Variants in ZNF615 observed in about 807,000 individuals in gnomAD.
The protein encoded by ZNF615 is zinc finger protein 615.
A neutral mutation model predicts 15.3 loss-of-function variants in ZNF615; 15 were observed. The ratio of observed to expected loss-of-function variants is 0.98; its 90% CI spans 0.66 to 1.51. ZNF615 has a LOEUF of 1.51. ZNF615 is among the 40% of genes most tolerant of loss of function. The pLI, the probability that ZNF615 is intolerant of heterozygous loss-of-function variation, is 0.00. For missense variants in ZNF615, 848 were observed against 895.9 expected (o/e 0.95, Z 0.68); for synonymous variants, 268 against 294.6 (o/e 0.91, Z 0.92).
intron 5 of ZNF615, among the ~76,000 whole-genome samples, chr19:52,000,992 C>T (rs964240356): frequency 7.3e-5 from 11 of 151,716 alleles, no homozygotes; most frequent in African/African-American, 2.2e-4. Flanking sequence ...TTAAGAAACA[C>T]ATAAATGCCA....
intron 5 of ZNF615, among the ~76,000 whole-genome samples, chr19:52,000,833 G>C (rs1016746529): frequency 9.2e-5 from 14 of 151,944 alleles, no homozygotes; most frequent in Admixed American, 5.9e-4. Flanking sequence ...TGTGCCTGTA[G>C]TCCCAGCCAC....
At chr19:52,002,020 G>A (rs2086611626) in intron 4 of ZNF615, 112 bp from the exon 5 acceptor site, 2 of 1,605,376 alleles carry the variant, frequency 1.2e-6, no homozygotes, top group Admixed American at 1.7e-5. Flanking sequence ...TAACAAGAAG[G>A]TAGATTATAC....
Position 52,003,873 on chromosome 19 carries a change from G to T in ZNF615, c.-162C>A. 6.9e-7 allele frequency: 1 copy of T among 1,449,730 alleles called. No homozygotes were observed. The highest frequency in any genetic ancestry group is 1.6e-5 in the South Asian group (1 of 62,994). The allele number at this position is 1,449,730 out of a possible 1,614,324, so 89.8% of individuals were successfully genotyped here. On this transcript the variant is annotated 5_prime_UTR_variant, in exon 3 of 7. Coordinates refer to ENST00000598071, the MANE Select transcript of ZNF615 (RefSeq NM_001199324.2). Reference sequence around the variant, plus strand: ...GAAACTCCGCCTCCTTCCTTCACTTGATTTCTCTTGTTCTCAGCACCTGTG... The same window carrying T: ...GAAACTCCGCCTCCTTCCTTCACTTTATTTCTCTTGTTCTCAGCACCTGTG...
rs781201122 is a variant in ZNF615 at position 51,993,481 on chromosome 19, C to T, written c.1628G>A (p.Arg543Gln). 5.7e-5 allele frequency: 92 copies of T among 1,613,764 alleles called. No homozygotes were observed. Among genetic ancestry groups the T allele is most frequent in the East Asian group, 6.7e-5 (3 of 44,866 alleles). ...PAKIRLMGHQ[R>Q]THTGEKPYIC... ...ATAAGGTTTCTCTCCTGTATGAGTT[C>T]GTTGATGTCCCATTAGCCGGATCTT... Residue 543 changes from arginine (R) to glutamine (Q), a missense_variant, in exon 7 of 7, where the codon CGA (arginine) becomes CAA (glutamine). Coordinates refer to ENST00000598071, the MANE Select transcript of ZNF615 (RefSeq NM_001199324.2).
At chr19:51,996,399 A>C (rs557842273) in intron 6 of ZNF615, among the ~76,000 whole-genome samples, 26 of 150,336 alleles carry the variant, frequency 1.7e-4, no homozygotes, top group Non-Finnish European at 3.3e-4. Context: ...AAAAAAAAAA[A>C]AAAAAAAAAC....
chr19:52,001,753 GCT>G, intron 5 of ZNF615, 58 bp downstream of exon 5: 1 of 1,435,364 alleles, frequency 7.0e-7, no homozygotes. Context: ...TTTGACGCCT[GCT>G]CTGTGTGGGC....
At chr19:52,001,782 G>A in intron 5 of ZNF615, 31 bp downstream of exon 5, 3 of 1,588,632 alleles carry the variant, frequency 1.9e-6, no homozygotes, top group Non-Finnish European at 2.6e-6. Flanking sequence ...TGGTGTCTGT[G>A]GCTGTCCACC....
chr19:52,001,949 G>A (rs780471933), intron 4 of ZNF615, 41 bp from the exon 5 acceptor site: 23 of 1,608,368 alleles, frequency 1.4e-5, no homozygotes, highest in East Asian at 6.7e-5. Context: ...CAAATCAAAC[G>A]GGGCTGGCAA....
Position 51,994,714 on chromosome 19 carries a change from A to C in ZNF615, c.395T>G (p.Phe132Cys), listed in dbSNP as rs1329757390. The change falls in exon 7 of 7, where the codon TTC becomes TGC. Residue 132 changes from phenylalanine (F) to cysteine (C), a missense_variant. Phe to Cys is a radical substitution (Grantham distance 205). Transcript: ENST00000598071. ...CGTATCACAATCTTGCTTCAGCAGGAAATGACCTTTGTTCTGATTAACAAT... is the reference window on the plus strand; with the variant it reads ...CGTATCACAATCTTGCTTCAGCAGGCAATGACCTTTGTTCTGATTAACAAT... Reference protein sequence around the residue: ...GNIVNQNKGHFLLKQDCDTFD... With the variant: ...GNIVNQNKGHCLLKQDCDTFD... 1 of 1,613,826 alleles carries C rather than the reference A, an allele frequency of 6.2e-7. No individual in the cohort carries two copies. Among genetic ancestry groups the C allele is most frequent in the South Asian group, 1.1e-5 (1 of 91,074 alleles).
intron 2 of ZNF615, among the ~76,000 whole-genome samples, chr19:52,005,203 G>GCC (rs2086717041): frequency 6.6e-6 from 1 of 152,196 alleles, no homozygotes; most frequent in South Asian, 2.1e-4. Flanking sequence ...AGGGTGCAGT[G>GCC]AGCCAAGATT....
chr19:52,002,460 C>T, intron 3 of ZNF615, 179 bp from the exon 4 acceptor site: 4 of 868,136 alleles, frequency 4.6e-6, no homozygotes, highest in Non-Finnish European at 5.6e-6. Context: ...GTCATCCATT[C>T]ATTCAACAAT....
chr19:51,992,850 T>G lies in ZNF615; in HGVS notation c.*30A>C. The G allele has an allele frequency of 2.5e-6, 4 of 1,608,622 alleles. No individual in the cohort carries two copies. The highest frequency in any genetic ancestry group is 3.4e-6 in the Non-Finnish European group (4 of 1,176,072). ...CTTCTTTGCAGATATCTTAAGGGCC[T>G]ACATCTGGCAAGAGGCTTTCCCAAA... On this transcript the variant is annotated 3_prime_UTR_variant, in exon 7 of 7. Transcript: ENST00000598071.
chr19:51,994,471 T>C lies in ZNF615; in HGVS notation c.638A>G (p.Asn213Ser). The change falls in exon 7 of 7, where the codon AAT becomes AGT. Residue 213 changes from asparagine (N) to serine (S), a missense_variant. Transcript: ENST00000598071. ...IKQQRTHNIE[N>S]AHVCSECGKA... is the part of the protein sequence containing the mutation. ...CCCACATTCACTGCATACATGGGCATTCTCTATGTTGTGAGTTCTCTGTTG... is the reference window on the plus strand; with the variant it reads ...CCCACATTCACTGCATACATGGGCACTCTCTATGTTGTGAGTTCTCTGTTG... The C allele has an allele frequency of 6.2e-7, 1 of 1,614,202 alleles. No homozygotes were observed. Among genetic ancestry groups the C allele is most frequent in the Non-Finnish European group, 8.5e-7 (1 of 1,180,022 alleles).
Position 52,008,193 on chromosome 19 carries a change from A to C in ZNF615, c.-280T>G. On this transcript the variant is annotated 5_prime_UTR_variant, in exon 1 of 7. Coordinates refer to ENST00000598071, the MANE Select transcript of ZNF615 (RefSeq NM_001199324.2). ...CATCTCTCGGCCTCCTCAGTGCCTG[A>C]CGGCGACTATCCAGGGTCGGAGGCG... 1 of 1,534,690 alleles carries C rather than the reference A, an allele frequency of 6.5e-7. No homozygotes were observed. The highest frequency in any genetic ancestry group is 8.7e-7 in the Non-Finnish European group (1 of 1,146,328).
Position 51,993,262 on chromosome 19 carries a change from A to G in ZNF615, c.1847T>C (p.Phe616Ser), listed in dbSNP as rs2086293224. 2 of 1,614,010 alleles carry G rather than the reference A, an allele frequency of 1.2e-6. No individual in the cohort carries two copies. The highest frequency in any genetic ancestry group is 1.7e-6 in the Non-Finnish European group (2 of 1,180,016). ...TATACTGAGAGTACTCTTCATGGTG[A>G]AGCCCTTTCCACATTCATTGCATAT... ...PYICNECGKGFTMKSTLSIHQ... is the reference protein window; with the variant it reads ...PYICNECGKGSTMKSTLSIHQ... Residue 616 changes from phenylalanine (F) to serine (S), a missense_variant, in exon 7 of 7, where the codon TTC becomes TCC. By Grantham distance (155) the Phe-to-Ser change is radical. Coordinates refer to ENST00000598071, the MANE Select transcript of ZNF615 (RefSeq NM_001199324.2).
chr19:52,001,864 C>A lies in ZNF615; in HGVS notation c.187G>T (p.Gly63Ter). The change falls in exon 5 of 7, where the codon GGA (glycine) becomes TGA (stop). Residue 63 changes from glycine to a stop codon, truncating the protein, a stop_gained. Coordinates refer to ENST00000598071, the MANE Select transcript of ZNF615 (RefSeq NM_001199324.2). LOFTEE classifies it high-confidence loss of function. ...TCTTCTGTTGTGCAAGTTTCTTCTCCTCGTTCCAATTTGGAGAGTGCATCT... is the reference window on the plus strand; with the variant it reads ...TCTTCTGTTGTGCAAGTTTCTTCTCATCGTTCCAATTTGGAGAGTGCATCT... ...KPDALSKLERGEETCTTEDEI... is the reference protein window; with the variant it reads ...KPDALSKLER The A allele has an allele frequency of 6.2e-7, 1 of 1,614,126 alleles. No homozygotes were observed. Among genetic ancestry groups the A allele is most frequent in the Non-Finnish European group, 8.5e-7 (1 of 1,180,032 alleles).
intron 2 of ZNF615, among the ~76,000 whole-genome samples, chr19:52,006,087 A>G (rs897209985): frequency 4.6e-5 from 7 of 152,338 alleles, no homozygotes; most frequent in African/African-American, 1.7e-4. Flanking sequence ...TAATATTGGC[A>G]AAAGTGTGCT....
chr19:52,002,132 T>G, intron 4 of ZNF615, 23 bp downstream of exon 4: 2 of 1,614,102 alleles, frequency 1.2e-6, no homozygotes, highest in Middle Eastern at 1.6e-4. Context: ...ACCCTCTGAG[T>G]GACACAGGGC....
At position 51,992,814 on chromosome 19, in the gene ZNF615, A is replaced by C. The variant is rs777532608; in HGVS notation, c.*66T>G. 8 of 1,542,800 alleles carry C rather than the reference A, an allele frequency of 5.2e-6. No homozygotes were observed. The Admixed American group carries it at 1.2e-4, about 22-fold the overall frequency. The stretch of plus-strand genomic sequence containing the variant: ...ATAAACAACCATGTAGTCTGCATTC[A>C]TGAAATTACTCTTCTTTGCAGATAT... On this transcript the variant is annotated 3_prime_UTR_variant, in exon 7 of 7. Transcript: ENST00000598071.
Sources: gnomAD v4.1 joint callset for allele counts (sites outside exome capture counted in the v4.1 genomes callset) on GRCh38, gnomAD v4.1.1 for gene constraint, MANE v1.5 for transcripts, NCBI Gene and HGNC (gene_info 2026-07-23, HGNC 2026-07-21) for gene names.